KCNN2: variants seen among roughly 807,000 people sequenced by gnomAD.
KCNN2 encodes potassium calcium-activated channel subfamily N member 2, also known as small conductance calcium-activated potassium channel protein 2.
KCNN2 carries 24 observed loss-of-function variants against 55.5 expected under a neutral mutation model. The ratio of observed to expected loss-of-function variants is 0.43; its 90% CI spans 0.31 to 0.61. The LOEUF is 0.61. Among genes scored for constraint, KCNN2 ranks in the 20% least tolerant of loss-of-function variants. The pLI, the probability that KCNN2 is intolerant of heterozygous loss-of-function variation, is 0.08. For missense variants in KCNN2, 754 were observed against 853.6 expected (o/e 0.88, Z 1.45); for synonymous variants, 431 against 336.1 (o/e 1.28, Z -3.09).
At chr5:114,253,257 A>G (rs531534424) in intron 2 of KCNN2, among the ~76,000 whole-genome samples, 2 of 151,948 alleles carry the variant, frequency 1.3e-5, no homozygotes, top group African/African-American at 4.8e-5. Context: ...ACAGAACTAG[A>G]ATTAATAATC....
intron 1 of KCNN2, among the ~76,000 whole-genome samples, chr5:114,142,499 C>G (rs972885333): frequency 3.9e-4 from 60 of 152,096 alleles, no homozygotes; most frequent in Admixed American, 1.2e-3. Flanking sequence ...TCTCCTTAAG[C>G]TGATAATCAA....
At chr5:114,327,794 T>G (rs370677310) in intron 2 of KCNN2, among the ~76,000 whole-genome samples, 1 of 152,086 alleles carries the variant, frequency 6.6e-6, no homozygotes, top group Non-Finnish European at 1.5e-5. Context: ...TTAAATAGAG[T>G]GTTCAGGTAG....
intron 2 of KCNN2, among the ~76,000 whole-genome samples, chr5:114,369,226 A>C (rs1757693032): frequency 6.6e-6 from 1 of 152,204 alleles, no homozygotes; most frequent in Non-Finnish European, 1.5e-5. Context: ...AAAGAAATCT[A>C]AAAAGTTTAC....
upstream of KCNN2, among the ~76,000 whole-genome samples, chr5:114,360,703 G>C (rs1228906701): frequency 6.6e-6 from 1 of 152,164 alleles, no homozygotes; most frequent in Non-Finnish European, 1.5e-5. Flanking sequence ...ATTTTTGTTA[G>C]TTTATTAGAG....
chr5:114,288,511 C>T (rs1308413624), intron 2 of KCNN2, among the ~76,000 whole-genome samples: 54 of 151,310 alleles, frequency 3.6e-4, no homozygotes, highest in African/African-American at 1.3e-3. Context: ...CACACACACA[C>T]ACACACACAC....
At chr5:114,281,808 T>A (rs1755630332) in intron 2 of KCNN2, among the ~76,000 whole-genome samples, 1 of 152,080 alleles carries the variant, frequency 6.6e-6, no homozygotes, top group African/African-American at 2.4e-5. Context: ...TGAGTCAAAT[T>A]TAAAGTAACT....
At chr5:114,372,076 A>G (rs957863715) in intron 2 of KCNN2, among the ~76,000 whole-genome samples, 1 of 152,178 alleles carries the variant, frequency 6.6e-6, no homozygotes, top group Non-Finnish European at 1.5e-5. Flanking sequence ...GCTAATGTTT[A>G]TTTGACAAAA....
chr5:114,188,922 G>T (rs1753391962), intron 1 of KCNN2, among the ~76,000 whole-genome samples: 1 of 152,146 alleles, frequency 6.6e-6, no homozygotes, highest in Admixed American at 6.5e-5. Flanking sequence ...TCCCTTGGGA[G>T]TTTTTGGCAA....
rs573833145 is a variant in KCNN2 at position 114,158,013 on chromosome 5, T to A, written c.-270-63467T>A. ...GCAGAAGCTCTTTAGTTTAATTAGA[T>A]CCCATTTGTCAATTTTGGCTTTCGT... On this transcript the variant is annotated intron_variant, in intron 1 of 10. Coordinates refer to the KCNN2 transcript ENST00000512097. 4.6e-5 allele frequency among the ~76,000 whole-genome samples: 7 copies of A among 152,262 alleles called. No homozygotes were observed. The East Asian group carries it at 1.4e-3, about 29-fold the overall frequency.
chr5:114,376,520 A>G (rs1230699032), intron 2 of KCNN2, among the ~76,000 whole-genome samples: 1 of 152,224 alleles, frequency 6.6e-6, no homozygotes, highest in South Asian at 2.1e-4. Flanking sequence ...ATGAAAAGCA[A>G]TAGGATAGGG....
At chr5:114,300,243 A>G (rs775625343) in intron 2 of KCNN2, among the ~76,000 whole-genome samples, 3 of 152,142 alleles carry the variant, frequency 2.0e-5, no homozygotes, top group Non-Finnish European at 4.4e-5. Flanking sequence ...TTTCAAGATT[A>G]TTGCCTCTAC....
chr5:114,246,647 G>A (rs1754753482), intron 2 of KCNN2, among the ~76,000 whole-genome samples: 1 of 152,082 alleles, frequency 6.6e-6, no homozygotes, highest in Non-Finnish European at 1.5e-5. Flanking sequence ...ACAGGTATTT[G>A]TGATAGTCAT....
At chr5:114,136,739 C>G (rs1752181948) in intron 1 of KCNN2, among the ~76,000 whole-genome samples, 1 of 152,124 alleles carries the variant, frequency 6.6e-6, no homozygotes, top group Non-Finnish European at 1.5e-5. Flanking sequence ...GTGGCTTAAC[C>G]TCTCTGAGCC....
chr5:114,341,517 A>G (rs1231766405), intron 2 of KCNN2, among the ~76,000 whole-genome samples: 1 of 152,182 alleles, frequency 6.6e-6, no homozygotes, highest in Admixed American at 6.5e-5. Flanking sequence ...CAACCAGATT[A>G]TCACTAACTC....
chr5:114,210,652 A>G (rs1350401964), intron 1 of KCNN2, among the ~76,000 whole-genome samples: 2 of 152,176 alleles, frequency 1.3e-5, no homozygotes, highest in African/African-American at 4.8e-5. Context: ...TAAATGCTAT[A>G]GTAATTTTTA....
intron 1 of KCNN2, among the ~76,000 whole-genome samples, chr5:114,087,046 G>A (rs889141143): frequency 2.0e-5 from 3 of 151,858 alleles, no homozygotes; most frequent in South Asian, 2.1e-4. Flanking sequence ...GATGAGGAGC[G>A]TTTTTTCATT....
chr5:114,363,741 C>G (rs1376614182), intron 1 of KCNN2, among the ~76,000 whole-genome samples, 165 bp from the exon 2 acceptor site: 2 of 152,224 alleles, frequency 1.3e-5, no homozygotes, highest in Admixed American at 6.5e-5. Flanking sequence ...GTTTTGAGGC[C>G]GAGTGATCTG....
intron 1 of KCNN2, chr5:114,056,646 C>T: frequency 1.0e-5 from 4 of 387,988 alleles, no homozygotes. Context: ...CCCACTCATA[C>T]CTTAAAAAGA....
chr5:114,172,448 A>T (rs996908796), intron 1 of KCNN2, among the ~76,000 whole-genome samples: 2 of 151,614 alleles, frequency 1.3e-5, no homozygotes, highest in African/African-American at 2.4e-5. Flanking sequence ...TATTTTAGCT[A>T]TCACTGGGAT....
Sources: gnomAD v4.1 joint callset for allele counts (sites outside exome capture counted in the v4.1 genomes callset) on GRCh38, gnomAD v4.1.1 for gene constraint, MANE v1.5 for transcripts, NCBI Gene and HGNC (gene_info 2026-07-23, HGNC 2026-07-21) for gene names.